The following ABCA1 variants were observed in gnomAD, a reference collection of about 807,000 sequenced individuals.
ABCA1 encodes the protein ATP binding cassette subfamily A member 1, also known as phospholipid-transporting ATPase ABCA1.
ABCA1 carries 133 observed loss-of-function variants against 262.5 expected under a neutral mutation model. The observed-to-expected ratio is 0.51, with a 90% CI of 0.44 to 0.59. The LOEUF is 0.59. ABCA1 is among the 20% of genes least tolerant of loss of function. The pLI is 0.00. For synonymous variants in ABCA1, 1,022 were observed against 1,043.5 expected, an observed-to-expected ratio of 0.98 and a Z score of 0.40; for missense variants, 2,452 against 2,777.5, an observed-to-expected ratio of 0.88 and a Z score of 2.63.
intron 49 of ABCA1, among the ~76,000 whole-genome samples, chr9:104,785,051 T>C (rs548463065): frequency 6.6e-6 from 1 of 152,312 alleles, no homozygotes; most frequent in African/African-American, 2.4e-5. Context: ...GAAGAAAATA[T>C]TTACTGAGTA....
In ABCA1 at chr9:104,796,364, A is replaced by T; in HGVS notation, c.5182T>A (p.Ser1728Thr). Residue 1728 changes from serine to threonine, a missense_variant, in exon 38 of 50, where the codon TCC becomes ACC. Ser to Thr is a moderately conservative substitution (Grantham distance 58). Transcript: ENST00000374736. ...GGCAGATTGGTGGAGGACACATAGG[A>T]CTTCTGCTGGAAGCAGATGAAGATG... ...IIIFICFQQK[S>T]YVSSTNLPVL... 6.2e-7 allele frequency: 1 copy of T among 1,614,226 alleles called. No individual in the cohort carries two copies. The highest frequency in any genetic ancestry group is 8.5e-7 in the Non-Finnish European group (1 of 1,180,040).
chr9:104,861,347 G>A, intron 6 of ABCA1: 1 of 492,084 alleles, frequency 2.0e-6, no homozygotes, highest in Non-Finnish European at 3.6e-6. Context: ...CTTAACCACG[G>A]TTATTGCCTC....
intron 2 of ABCA1, among the ~76,000 whole-genome samples, chr9:104,898,552 AT>A (rs1840405783): frequency 2.8e-5 from 1 of 35,992 alleles, no homozygotes; most frequent in East Asian, 5.0e-4. Flanking sequence ...GTCTTGAAAA[AT>A]AAATAAATAA....
chr9:104,893,259 G>A (rs113352206), intron 2 of ABCA1, among the ~76,000 whole-genome samples: 2,968 of 151,210 alleles, frequency 0.02, 115 homozygotes, highest in African/African-American at 0.069. Flanking sequence ...CATCTCTACT[G>A]AAAATACAAA....
At chr9:104,858,825 G>T in intron 6 of ABCA1, 127 bp from the exon 7 acceptor site, 1 of 925,456 alleles carries the variant, frequency 1.1e-6, no homozygotes, top group South Asian at 1.4e-5. Context: ...AGGTTCCATT[G>T]CAACAGTCCA....
chr9:104,881,816 A>G (rs185659101), intron 5 of ABCA1, among the ~76,000 whole-genome samples: 42 of 152,118 alleles, frequency 2.8e-4, no homozygotes, highest in African/African-American at 1.0e-3. Context: ...CAAGACCAGG[A>G]CCTGCAGGTC....
chr9:104,870,257 G>A (rs1286074093), intron 5 of ABCA1, among the ~76,000 whole-genome samples: 1 of 152,202 alleles, frequency 6.6e-6, no homozygotes, highest in Admixed American at 6.5e-5. Context: ...TACTAGTGTT[G>A]TGGTTCAAAG....
intron 7 of ABCA1, among the ~76,000 whole-genome samples, chr9:104,854,338 G>A (rs1835648648): frequency 6.6e-6 from 1 of 152,164 alleles, no homozygotes; most frequent in African/African-American, 2.4e-5. Flanking sequence ...TATCAGCCCT[G>A]TGAGCCTCTA....
At chr9:104,879,579 A>G (rs1011319505) in intron 5 of ABCA1, among the ~76,000 whole-genome samples, 9 of 152,242 alleles carry the variant, frequency 5.9e-5, no homozygotes, top group African/African-American at 2.2e-4. Context: ...GTAAAACAGA[A>G]AAAAGACATT....
chr9:104,806,036 T>C (rs938031187), intron 31 of ABCA1, among the ~76,000 whole-genome samples: 4 of 151,100 alleles, frequency 2.6e-5, no homozygotes, highest in Admixed American at 2.6e-4. Context: ...ACCTGGGAGG[T>C]GGAGGTTGCA....
At chr9:104,886,120 C>T (rs1839146519) in intron 3 of ABCA1, among the ~76,000 whole-genome samples, 1 of 152,166 alleles carries the variant, frequency 6.6e-6, no homozygotes, top group African/African-American at 2.4e-5. Context: ...AACAAATGAG[C>T]CTATGAGGAT....
chr9:104,822,513 C>G lies in ABCA1; in HGVS notation c.2811G>C (p.Ala937=), dbSNP rs147290375. The G allele has an allele frequency of 2.5e-6, 4 of 1,613,688 alleles. No individual in the cohort carries two copies. The highest frequency in any genetic ancestry group is 3.4e-6 in the Non-Finnish European group (4 of 1,179,964). The change falls in exon 19 of 50, where the codon GCG becomes GCC. Residue 937 remains alanine, a synonymous_variant. Coordinates refer to ENST00000374736, the MANE Select transcript of ABCA1 (RefSeq NM_005502.4). The stretch of plus-strand genomic sequence containing the variant: ...CTTCTTACATGGTGGTCGTCTTCCC[C>G]GCTCCATTGTGGCCCAGGAAGGAGG... ...QITSFLGHNG[A]GKTTTMSILT...
chr9:104,821,882 C>T (rs1317166968), intron 19 of ABCA1, among the ~76,000 whole-genome samples: 1 of 152,082 alleles, frequency 6.6e-6, no homozygotes, highest in Non-Finnish European at 1.5e-5. Context: ...TTCTGACTGC[C>T]TTTTAAAAAT....
chr9:104,919,851 T>C (rs1842045002), intron 1 of ABCA1, among the ~76,000 whole-genome samples: 1 of 152,206 alleles, frequency 6.6e-6, no homozygotes, highest in Non-Finnish European at 1.5e-5. Flanking sequence ...ATAGGAAATT[T>C]CAACAGCTTC....
intron 2 of ABCA1, among the ~76,000 whole-genome samples, chr9:104,891,565 T>A (rs1839747343): frequency 6.6e-6 from 1 of 151,752 alleles, no homozygotes; most frequent in South Asian, 2.1e-4. Context: ...AAGGCCTAGG[T>A]TGCAGTGAGC....
Position 104,794,384 on chromosome 9 carries a change from C to T in ABCA1, c.5506+3G>A, listed in dbSNP as rs1159746217. On this transcript the variant is annotated splice_donor_region_variant and intron_variant, in intron 40 of 49. Coordinates refer to ENST00000374736, the MANE Select transcript of ABCA1 (RefSeq NM_005502.4). Reference sequence around the variant, plus strand: ...AGCATCCTACAGCCACTGCTTCACTCACCAAACCTTTCCAGGGCATCAGCC... The same window carrying T: ...AGCATCCTACAGCCACTGCTTCACTTACCAAACCTTTCCAGGGCATCAGCC... 1 of 1,614,046 alleles carries T rather than the reference C, an allele frequency of 6.2e-7. No individual in the cohort carries two copies.
rs530841575 is a variant in ABCA1 at position 104,895,670 on chromosome 9, T to C, written c.67-6475A>G. 4.6e-5 allele frequency among the ~76,000 whole-genome samples: 7 copies of C among 152,328 alleles called. No individual in the cohort carries two copies. In the South Asian group the frequency reaches 1.2e-3, roughly 27 times the overall value. On this transcript the variant is annotated intron_variant, in intron 2 of 49. Transcript: ENST00000374736. ...CAAACCACTCTTGAATCATCATTCA[T>C]AGTTATGCCAACATCTCCCACACTA... is the stretch of plus-strand genomic sequence containing the variant.
intron 31 of ABCA1, 97 bp from the exon 32 acceptor site, chr9:104,804,817 C>T (rs1830627511): frequency 4.6e-6 from 5 of 1,080,550 alleles, no homozygotes; most frequent in Non-Finnish European, 7.1e-6. Flanking sequence ...CACAGTGTGA[C>T]CGGAAACCTG....
chr9:104,843,520 C>T (rs952157859), intron 8 of ABCA1, among the ~76,000 whole-genome samples: 1 of 152,174 alleles, frequency 6.6e-6, no homozygotes, highest in African/African-American at 2.4e-5. Flanking sequence ...TCCAACAGTT[C>T]TGGGTTTGAA....
Sources: allele counts gnomAD v4.1 joint callset (sites outside exome capture counted in the v4.1 genomes callset), GRCh38; gene constraint gnomAD v4.1.1; transcripts MANE v1.5; gene names NCBI Gene and HGNC (gene_info 2026-07-23, HGNC 2026-07-21).